ERRFI1: variants seen among roughly 807,000 people sequenced by gnomAD.
ERRFI1 encodes the protein mitogen-inducible gene 6 protein.
Under a neutral mutation model 14.6 loss-of-function variants are expected in ERRFI1, and 12 were observed. The ratio of observed to expected loss-of-function variants is 0.82; its 90% CI spans 0.53 to 1.33. The LOEUF is 1.33. ERRFI1 is among the 40% of genes most tolerant of loss of function. The pLI is 0.00. For synonymous variants in ERRFI1, 202 were observed against 209.9 expected (o/e 0.96, Z 0.32); for missense variants, 482 against 572.1 (o/e 0.84, Z 1.61).
chr1:8,025,855 G>A (rs1641339612), intron 1 of ERRFI1, among the ~76,000 whole-genome samples: 1 of 152,094 alleles, frequency 6.6e-6, no homozygotes, highest in African/African-American at 2.4e-5. Context: ...GGGGCCGCGC[G>A]ACGACCACAG....
chr1:8,016,903 T>G (rs926535236), intron 1 of ERRFI1, among the ~76,000 whole-genome samples: 5 of 148,702 alleles, frequency 3.4e-5, no homozygotes, highest in African/African-American at 1.2e-4. Flanking sequence ...GTACACAGGT[T>G]TTTTTTTTTG....
Position 8,013,206 on chromosome 1 carries a change from A to G in ERRFI1, c.*4T>C. The G allele has an allele frequency of 6.3e-7, 1 of 1,592,812 alleles. No individual in the cohort carries two copies. The highest frequency in any genetic ancestry group is 8.5e-7 in the Non-Finnish European group (1 of 1,169,996). On this transcript the variant is annotated 3_prime_UTR_variant, in exon 4 of 4. Coordinates refer to ENST00000377482, the MANE Select transcript of ERRFI1 (RefSeq NM_018948.4). This position sits in a 1 kb window ranked among gnomAD's most constrained non-coding sequence, Gnocchi z 4.3. ...TAACCTCTGCTGAACCATGACCCCAAGGTCTAAGGAGAAACCACATAGGAT... is the reference window on the plus strand; with the variant it reads ...TAACCTCTGCTGAACCATGACCCCAGGGTCTAAGGAGAAACCACATAGGAT...
chr1:8,025,871 G>A (rs936937575), intron 1 of ERRFI1, among the ~76,000 whole-genome samples: 58 of 152,170 alleles, frequency 3.8e-4, no homozygotes, highest in African/African-American at 1.3e-3. Flanking sequence ...CACAGCCGGC[G>A]TGGAGAAGGC....
At chr1:8,017,775 T>C (rs566888151) in intron 1 of ERRFI1, among the ~76,000 whole-genome samples, 1 of 152,326 alleles carries the variant, frequency 6.6e-6, no homozygotes, top group South Asian at 2.1e-4. Context: ...CCCACCTGTC[T>C]GCAAGCCAAC....
In ERRFI1 at chr1:8,012,782, T is replaced by G. The variant is rs1641104480; in HGVS notation, c.*428A>C. 1 of 240,454 alleles carries G rather than the reference T, an allele frequency of 4.2e-6. No individual in the cohort carries two copies. The highest frequency in any genetic ancestry group is 5.0e-5 in the Admixed American group (1 of 19,990). 14.9% of individuals were successfully genotyped at this position (240,454 alleles called of 1,614,324 possible). A position where few individuals can be genotyped will look rare whatever the true frequency, so the allele number is the denominator to read the frequency against. On this transcript the variant is annotated 3_prime_UTR_variant, in exon 4 of 4. Coordinates refer to ENST00000377482, the MANE Select transcript of ERRFI1 (RefSeq NM_018948.4). ...AATGATTCTGATCTAAACAATACTGTATCTTCTTCCATTTGCTCAATTTTC... is the reference window on the plus strand; with the variant it reads ...AATGATTCTGATCTAAACAATACTGGATCTTCTTCCATTTGCTCAATTTTC...
At chr1:8,017,737 T>A (rs1641198160) in intron 1 of ERRFI1, among the ~76,000 whole-genome samples, 1 of 152,262 alleles carries the variant, frequency 6.6e-6, no homozygotes, top group African/African-American at 2.4e-5. Context: ...TACAGGAAAA[T>A]GCTGCAGGGG....
chr1:8,025,303 A>G (rs1303734615), intron 1 of ERRFI1, among the ~76,000 whole-genome samples: 1 of 152,228 alleles, frequency 6.6e-6, no homozygotes, highest in East Asian at 1.9e-4. Flanking sequence ...GAGTCATCTA[A>G]TTTGTACAGG....
At position 8,013,882 on chromosome 1, in the gene ERRFI1, TGGA is replaced by T; in HGVS notation, c.714_716del (p.Pro240del). The T allele has an allele frequency of 6.2e-7, 1 of 1,614,020 alleles. No homozygotes were observed. Among genetic ancestry groups the T allele is most frequent in the Non-Finnish European group, 8.5e-7 (1 of 1,179,976 alleles). ...TTCTTAATCTTCGGTGGGTCTGAGG[TGGA>T]GGAGGATTTGGATCTGGGACACCTC... is the stretch of plus-strand genomic sequence containing the variant. On this transcript the variant is annotated inframe_deletion, in exon 4 of 4. Coordinates refer to ENST00000377482, the MANE Select transcript of ERRFI1 (RefSeq NM_018948.4). This position sits in a 1 kb window ranked among gnomAD's most constrained non-coding sequence, Gnocchi z 4.3.
At chr1:8,021,219 AAAAT>A (rs1251784671) in intron 1 of ERRFI1, among the ~76,000 whole-genome samples, 5 of 152,338 alleles carry the variant, frequency 3.3e-5, no homozygotes, top group African/African-American at 9.6e-5. Flanking sequence ...TGTCAAATAA[AAAAT>A]AAATGACGTA....
rs2124065476 is a variant in ERRFI1 at position 8,015,366 on chromosome 1, G to A, written c.144C>T (p.Asp48=). Reference sequence around the variant, plus strand: ...TCAGACTGTAGGCCATGGTTATCGGGTCAATATTTAAAAAGTTGCTGAAAG... The same window carrying A: ...TCAGACTGTAGGCCATGGTTATCGGATCAATATTTAAAAAGTTGCTGAAAG... ...SEFKNNFLNI[D]PITMAYSLNS... is the part of the protein sequence containing the mutation. Residue 48 remains aspartate (D), a synonymous_variant, in exon 3 of 4, where the codon GAC becomes GAT. Transcript: ENST00000377482. 6.2e-7 allele frequency: 1 copy of A among 1,614,154 alleles called. No homozygotes were observed. Among genetic ancestry groups the A allele is most frequent in the Non-Finnish European group, 8.5e-7 (1 of 1,180,000 alleles).
At chr1:8,024,496 G>A (rs1219969770) in intron 1 of ERRFI1, among the ~76,000 whole-genome samples, 2 of 152,288 alleles carry the variant, frequency 1.3e-5, no homozygotes, top group South Asian at 2.1e-4. Flanking sequence ...CATCAACTAT[G>A]TGCAAGGCTG....
intron 1 of ERRFI1, among the ~76,000 whole-genome samples, chr1:8,016,654 A>G (rs141563471): frequency 5.4e-4 from 82 of 152,332 alleles, no homozygotes; most frequent in African/African-American, 1.9e-3. Flanking sequence ...GTCTTCAGAT[A>G]GCCAAGTTTA....
chr1:8,020,552 A>ATTTTTT (rs36053481), intron 1 of ERRFI1, among the ~76,000 whole-genome samples: 1 of 134,176 alleles, frequency 7.5e-6, no homozygotes, highest in African/African-American at 2.8e-5. Context: ...AAAAACACCA[A>ATTTTTT]TTTTTTTTTT....
rs905934853 is a variant in ERRFI1 at position 8,020,494 on chromosome 1, T to C, written c.-73-4802A>G. ...ATCTCTGCATGTTTATTTTTTAAAA[T>C]GTCTAAAATAATCACCTGTGAGGAA... On this transcript the variant is annotated intron_variant, in intron 1 of 3. Transcript: ENST00000377482. Among the ~76,000 whole-genome samples the C allele has an allele frequency of 2.0e-5, 3 of 151,918 alleles. No individual in the cohort carries two copies. In the South Asian group the frequency reaches 6.2e-4, roughly 31 times the overall value.
intron 1 of ERRFI1, among the ~76,000 whole-genome samples, chr1:8,020,640 G>A (rs759354438): frequency 6.0e-5 from 9 of 151,118 alleles, no homozygotes; most frequent in Non-Finnish European, 1.2e-4. Context: ...CACCTCCCAG[G>A]TTCAAGCGAT....
rs112687777 is a variant in ERRFI1, at chr1:8,013,504, T to C, written c.1095A>G (p.Gln365=). ...DPKYVSSKAL[Q]RQNSEGSASK... is the part of the protein sequence containing the mutation. ...TGGCAGATCCTTCGCTGTTCTGTCT[T>C]TGCAGTGCTTTGCTGCTGACATACT... The change falls in exon 4 of 4, where the codon CAA becomes CAG. Residue 365 remains glutamine, a synonymous_variant. Transcript: ENST00000377482. The surrounding 1 kb of genome is among the most constrained non-coding windows in gnomAD (Gnocchi z 4.3). The C allele has an allele frequency of 6.2e-7, 1 of 1,614,184 alleles. No individual in the cohort carries two copies. The highest frequency in any genetic ancestry group is 8.5e-7 in the Non-Finnish European group (1 of 1,180,032).
chr1:8,014,794 A>G (rs946102441), intron 3 of ERRFI1: 6 of 214,866 alleles, frequency 2.8e-5, no homozygotes, highest in African/African-American at 1.1e-4. Context: ...GAGATAAGAC[A>G]AAGTCCTTAT....
chr1:8,023,370 C>T (rs913281162), intron 1 of ERRFI1, among the ~76,000 whole-genome samples: 1 of 152,116 alleles, frequency 6.6e-6, no homozygotes, highest in African/African-American at 2.4e-5. Context: ...CTCTGCCTCC[C>T]AGGCTCAAGC....
chr1:8,025,921 TGC>T (rs1236993305), intron 1 of ERRFI1, among the ~76,000 whole-genome samples: 4 of 151,844 alleles, frequency 2.6e-5, no homozygotes, highest in Non-Finnish European at 5.9e-5. Context: ...AGGCCCGGGC[TGC>T]GCCGCCGGGG....
Sources: gnomAD v4.1 joint callset for allele counts (sites outside exome capture counted in the v4.1 genomes callset) on GRCh38, gnomAD v4.1.1 for gene constraint, Gnocchi (gnomAD v3.1) non-coding constraint, MANE v1.5 for transcripts, NCBI Gene and HGNC (gene_info 2026-07-23, HGNC 2026-07-21) for gene names.